The following JARID2 variants were observed in gnomAD, a reference collection of about 807,000 sequenced individuals.
JARID2 encodes protein Jumonji.
JARID2 carries 21 observed loss-of-function variants against 125.6 expected under a neutral mutation model. The observed-to-expected ratio is 0.17, with a 90% CI of 0.12 to 0.24. The LOEUF (loss-of-function observed/expected upper bound fraction) is 0.24, where lower values mean the gene tolerates loss of function less well. Among genes scored for constraint, JARID2 ranks in the 10% least tolerant of loss-of-function variants. The probability of loss-of-function intolerance (pLI) is 1.00; values close to 1 mark genes in which losing one functional copy is unlikely to be tolerated. For missense variants in JARID2, 1,303 were observed against 1,639.6 expected, an observed-to-expected ratio of 0.79 and a Z score of 3.55; for synonymous variants, 736 against 661.6, an observed-to-expected ratio of 1.11 and a Z score of -1.73.
chr6:15,437,211 T>G (rs1561862222), intron 3 of JARID2, among the ~76,000 whole-genome samples: 1 of 152,188 alleles, frequency 6.6e-6, no homozygotes, highest in Non-Finnish European at 1.5e-5. Flanking sequence ...AATGGCAGTC[T>G]CCACTGACTC....
rs571209890 is a variant in JARID2, at chr6:15,452,530, T to C, written c.493+355T>C. Among the ~76,000 whole-genome samples the C allele has an allele frequency of 2.6e-5, 4 of 152,316 alleles. No homozygotes were observed. In the South Asian group the frequency reaches 8.3e-4, roughly 32 times the overall value. On this transcript the variant is annotated intron_variant, in intron 4 of 17. Coordinates refer to ENST00000341776, the MANE Select transcript of JARID2 (RefSeq NM_004973.4). ...ACTTGTTTTGTAAGGCAGTTTTTTTTTGATGCAGGACTTTGGGGCTGTGAA... is the reference window on the plus strand; with the variant it reads ...ACTTGTTTTGTAAGGCAGTTTTTTTCTGATGCAGGACTTTGGGGCTGTGAA...
chr6:15,300,891 C>T lies in JARID2; in HGVS notation c.45+54307C>T, dbSNP rs565325619. Among the ~76,000 whole-genome samples, 9 of 151,954 alleles carry T rather than the reference C, an allele frequency of 5.9e-5. No individual in the cohort carries two copies. In the Middle Eastern group the frequency reaches 0.01, roughly 172 times the overall value. On this transcript the variant is annotated intron_variant, in intron 1 of 17. Coordinates refer to ENST00000341776, the MANE Select transcript of JARID2 (RefSeq NM_004973.4). ...TTACTTGGAAAGTTTAGGTCTGGGA[C>T]GGAAGGGTGACAGAAAAAGGTTAAG...
intron 2 of JARID2, among the ~76,000 whole-genome samples, chr6:15,394,689 T>C (rs1765152661): frequency 6.6e-6 from 1 of 152,192 alleles, no homozygotes; most frequent in Admixed American, 6.5e-5. Context: ...TTTGAAATTG[T>C]ACTGGAATAA....
chr6:15,430,882 G>GTTTCTAAATATATGTTGT (rs1301323983), intron 3 of JARID2, among the ~76,000 whole-genome samples: 10 of 152,162 alleles, frequency 6.6e-5, no homozygotes, highest in African/African-American at 2.2e-4. Flanking sequence ...GATTCTAGCA[G>GTTTCTAAATATATGTTGT]TTTCTAAATA....
chr6:15,504,287 T>A (rs1328171201), intron 8 of JARID2, among the ~76,000 whole-genome samples: 5 of 152,336 alleles, frequency 3.3e-5, no homozygotes, highest in Middle Eastern at 3.4e-3. Flanking sequence ...CCTCATGGGG[T>A]TGATCCTTGG....
intron 1 of JARID2, among the ~76,000 whole-genome samples, chr6:15,343,319 T>C (rs1387814206): frequency 1.3e-5 from 2 of 150,988 alleles, no homozygotes; most frequent in Non-Finnish European, 1.5e-5. Flanking sequence ...ATGAGCATGC[T>C]CTTCAAATTT....
chr6:15,340,517 A>G, intron 1 of JARID2, among the ~76,000 whole-genome samples: 1 of 152,212 alleles, frequency 6.6e-6, no homozygotes, highest in South Asian at 2.1e-4. Flanking sequence ...TCAGGTTTAT[A>G]AAGACTACTC....
intron 1 of JARID2, among the ~76,000 whole-genome samples, chr6:15,322,018 CCTGACTTCGTTGT>C (rs1762376649): frequency 6.6e-6 from 1 of 151,956 alleles, no homozygotes; most frequent in African/African-American, 2.4e-5. Context: ...GCCTCAAACT[CCTGACTTCGTTGT>C]TCGCCTGCCT....
At chr6:15,382,041 T>C (rs537491591) in intron 2 of JARID2, among the ~76,000 whole-genome samples, 30 of 152,336 alleles carry the variant, frequency 2.0e-4, no homozygotes, top group Middle Eastern at 3.4e-3. Context: ...CCCAGCACTT[T>C]GGGAGGCCGA....
At chr6:15,313,772 A>C (rs1364228085) in intron 1 of JARID2, among the ~76,000 whole-genome samples, 2 of 152,212 alleles carry the variant, frequency 1.3e-5, no homozygotes, top group East Asian at 3.8e-4. Context: ...AATTATTAGA[A>C]AATGAATTTC....
chr6:15,257,511 T>C (rs1056098193), intron 1 of JARID2, among the ~76,000 whole-genome samples: 3 of 152,214 alleles, frequency 2.0e-5, no homozygotes, highest in Admixed American at 2.0e-4. Flanking sequence ...TTACCACTAT[T>C]TTCTTGACTC....
At chr6:15,469,221 A>C (rs1768898718) in intron 5 of JARID2, among the ~76,000 whole-genome samples, 1 of 150,972 alleles carries the variant, frequency 6.6e-6, no homozygotes, top group South Asian at 2.1e-4. Flanking sequence ...AACTCATCTT[A>C]TGTGGATAAG....
chr6:15,443,769 C>T (rs554813135), intron 3 of JARID2, among the ~76,000 whole-genome samples: 4 of 152,204 alleles, frequency 2.6e-5, no homozygotes, highest in Admixed American at 6.5e-5. Context: ...GCCTTAGCTT[C>T]CCTTTTTAAA....
intron 3 of JARID2, among the ~76,000 whole-genome samples, chr6:15,450,970 C>G (rs1259428991): frequency 6.6e-6 from 1 of 152,074 alleles, no homozygotes; most frequent in Non-Finnish European, 1.5e-5. Flanking sequence ...CAAGACTAGC[C>G]TGGCCAACAT....
intron 5 of JARID2, among the ~76,000 whole-genome samples, chr6:15,478,420 C>T (rs527536611): frequency 1.3e-5 from 2 of 152,224 alleles, no homozygotes; most frequent in South Asian, 2.1e-4. Context: ...AGAGGGCCGA[C>T]TGTATTTAGT....
At chr6:15,336,872 G>A (rs115783246) in intron 1 of JARID2, among the ~76,000 whole-genome samples, 140 of 152,116 alleles carry the variant, frequency 9.2e-4, no homozygotes, top group African/African-American at 3.1e-3. Flanking sequence ...ATTCTGTTGC[G>A]CAGTCAGGAT....
At chr6:15,467,528 T>C in intron 4 of JARID2, among the ~76,000 whole-genome samples, 1 of 135,538 alleles carries the variant, frequency 7.4e-6, no homozygotes, top group Admixed American at 7.9e-5. Flanking sequence ...ATATTGTGCT[T>C]TTTTTTTTTT....
At chr6:15,447,003 T>TTA (rs575478972) in intron 3 of JARID2, among the ~76,000 whole-genome samples, 80 of 152,200 alleles carry the variant, frequency 5.3e-4, no homozygotes, top group Admixed American at 1.1e-3. Context: ...GGGATCTTAT[T>TTA]AAGATCCTTG....
rs561928218 is a variant in JARID2 at position 15,504,589 on chromosome 6, C to T, written c.2538C>T (p.Ile846=). The change falls in exon 9 of 18, where the codon ATC becomes ATT. Residue 846 remains isoleucine (I), a synonymous_variant. Coordinates refer to ENST00000341776, the MANE Select transcript of JARID2 (RefSeq NM_004973.4). ...CFSKEPAPAE[I]EQEYWRLVEE... Reference sequence around the variant, plus strand: ...GCAAGGAGCCTGCCCCAGCCGAAATCGAGGTGAGAGAAGGGGCCCCTCACG... The same window carrying T: ...GCAAGGAGCCTGCCCCAGCCGAAATTGAGGTGAGAGAAGGGGCCCCTCACG... 8.7e-6 allele frequency: 14 copies of T among 1,612,010 alleles called. No homozygotes were observed. Among genetic ancestry groups the T allele is most frequent in the Middle Eastern group, 1.7e-4 (1 of 6,052 alleles).
Sources: gnomAD v4.1 joint callset for allele counts (sites outside exome capture counted in the v4.1 genomes callset) on GRCh38, gnomAD v4.1.1 for gene constraint, MANE v1.5 for transcripts, NCBI Gene and HGNC (gene_info 2026-07-23, HGNC 2026-07-21) for gene names.